Variants in RBM47 observed in about 807,000 individuals in gnomAD.
The protein encoded by RBM47 is RNA binding motif protein 47, also known as RNA-binding protein 47.
RBM47 carries 21 observed loss-of-function variants against 47.1 expected under a neutral mutation model. The ratio of observed to expected loss-of-function variants is 0.45; its 90% confidence interval spans 0.32 to 0.64. The LOEUF (loss-of-function observed/expected upper bound fraction) is 0.64. Among genes scored for constraint, RBM47 ranks in the 30% least tolerant of loss-of-function variants. RBM47 has a pLI of 0.05. For missense variants in RBM47, 708 were observed against 870.9 expected (o/e 0.81, Z 2.35); for synonymous variants, 375 against 361.7 (o/e 1.04, Z -0.42).
chr4:40,575,700 C>T (rs1037843050), intron 1 of RBM47, among the ~76,000 whole-genome samples: 1 of 152,128 alleles, frequency 6.6e-6, no homozygotes, highest in Non-Finnish European at 1.5e-5. Flanking sequence ...TCTGAGTGAC[C>T]AACCCATGCC....
intron 2 of RBM47, among the ~76,000 whole-genome samples, chr4:40,479,429 C>T (rs1052959908): frequency 6.6e-6 from 1 of 151,632 alleles, no homozygotes; most frequent in Non-Finnish European, 1.5e-5. Flanking sequence ...ATAGTGAGAC[C>T]CCATCTCTAC....
intron 2 of RBM47, among the ~76,000 whole-genome samples, chr4:40,507,047 C>G (rs1316322915): frequency 1.3e-5 from 2 of 152,162 alleles, no homozygotes; most frequent in Non-Finnish European, 2.9e-5. Flanking sequence ...ACCTCCAGCT[C>G]CCGGGTTCAA....
At chr4:40,533,459 A>C (rs2154259985) in intron 2 of RBM47, among the ~76,000 whole-genome samples, 1 of 151,746 alleles carries the variant, frequency 6.6e-6, no homozygotes, top group East Asian at 1.9e-4. Flanking sequence ...AAAAAGAAGA[A>C]GGGAAAAAAA....
intron 1 of RBM47, among the ~76,000 whole-genome samples, chr4:40,564,943 C>CCAGA (rs1730960408): frequency 6.6e-6 from 1 of 152,176 alleles, no homozygotes; most frequent in Non-Finnish European, 1.5e-5. Context: ...AGCAAGGGCC[C>CCAGA]CAGAGGCTGA....
At chr4:40,476,528 C>A (rs977887384) in intron 2 of RBM47, among the ~76,000 whole-genome samples, 1 of 151,918 alleles carries the variant, frequency 6.6e-6, no homozygotes, top group Non-Finnish European at 1.5e-5. Flanking sequence ...GAGAAGCAGG[C>A]AGTACAGCAG....
chr4:40,476,201 C>T (rs938650079), intron 2 of RBM47, among the ~76,000 whole-genome samples: 1 of 151,948 alleles, frequency 6.6e-6, no homozygotes, highest in East Asian at 1.9e-4. Flanking sequence ...AATAAATATA[C>T]GTAAAGTGTT....
intron 1 of RBM47, among the ~76,000 whole-genome samples, chr4:40,562,440 C>T (rs1397153445): frequency 1.3e-5 from 2 of 151,240 alleles, no homozygotes; most frequent in African/African-American, 4.9e-5. Context: ...TTTTAGACCC[C>T]TTCTCCTCCC....
At chr4:40,540,638 CAA>C (rs367927651) in intron 2 of RBM47, among the ~76,000 whole-genome samples, 26 of 106,934 alleles carry the variant, frequency 2.4e-4, no homozygotes, top group African/African-American at 8.4e-4. Context: ...AACTCTGTCT[CAA>C]AAAAAAAAAA....
intron 1 of RBM47, among the ~76,000 whole-genome samples, chr4:40,622,250 G>C (rs528758131): frequency 1.1e-4 from 16 of 152,332 alleles, no homozygotes; most frequent in African/African-American, 3.6e-4. Context: ...TAGTGAGACA[G>C]AGGATGCGGG....
intron 1 of RBM47, among the ~76,000 whole-genome samples, chr4:40,567,889 T>C (rs1731243363): frequency 1.3e-5 from 2 of 151,934 alleles, no homozygotes; most frequent in African/African-American, 4.8e-5. Flanking sequence ...CTAAAATGAG[T>C]ATTTACATGT....
intron 3 of RBM47, among the ~76,000 whole-genome samples, chr4:40,450,431 TG>T (rs1715229129): frequency 6.7e-6 from 1 of 150,312 alleles, no homozygotes; most frequent in Admixed American, 6.6e-5. Context: ...CTGTCTCTAC[TG>T]AAAAAAAAAA....
At chr4:40,580,844 G>A (rs1445199657) in intron 1 of RBM47, among the ~76,000 whole-genome samples, 1 of 152,232 alleles carries the variant, frequency 6.6e-6, no homozygotes, top group African/African-American at 2.4e-5. Context: ...AGAGATTGGT[G>A]AGAGAGAGAA....
At chr4:40,435,423 C>G (rs1712176440) in intron 5 of RBM47, among the ~76,000 whole-genome samples, 1 of 152,024 alleles carries the variant, frequency 6.6e-6, no homozygotes, top group Non-Finnish European at 1.5e-5. Context: ...GTGGTGCGCG[C>G]CTGTAGTTCC....
At chr4:40,451,968 G>A (rs937789980) in intron 3 of RBM47, among the ~76,000 whole-genome samples, 2 of 152,152 alleles carry the variant, frequency 1.3e-5, no homozygotes, top group African/African-American at 2.4e-5. Context: ...TCAGGAGTTC[G>A]AGACCAGCCT....
chr4:40,583,414 A>G (rs934032453), intron 1 of RBM47, among the ~76,000 whole-genome samples: 7 of 145,460 alleles, frequency 4.8e-5, no homozygotes, highest in South Asian at 2.2e-4. Flanking sequence ...AAAAAAAAAA[A>G]GGGAAACAGA....
Position 40,628,720 on chromosome 4 carries a change from G to A in RBM47, c.-240+676C>T, listed in dbSNP as rs1458443706. Among the ~76,000 whole-genome samples, 1 of 152,156 alleles carries A rather than the reference G, an allele frequency of 6.6e-6. No individual in the cohort carries two copies. Among genetic ancestry groups the A allele is most frequent in the Admixed American group, 6.5e-5 (1 of 15,284 alleles). Reference sequence around the variant, plus strand: ...GGTAATGGCCTGTAAGTACCTTGAAGATGGTATCTTCCTATCACTTATGCC... The same window carrying A: ...GGTAATGGCCTGTAAGTACCTTGAAAATGGTATCTTCCTATCACTTATGCC... On this transcript the variant is annotated intron_variant, in intron 1 of 6. Transcript: ENST00000295971. This position sits in a 1 kb window ranked among gnomAD's most constrained non-coding sequence, Gnocchi z 4.0.
At chr4:40,496,404 G>A (rs4504294) in intron 2 of RBM47, among the ~76,000 whole-genome samples, 28,267 of 151,630 alleles carry the variant, frequency 0.19, 2,904 homozygotes, top group African/African-American at 0.29. Context: ...GTCCTGGGCC[G>A]CAATAGTTTT....
At chr4:40,464,221 T>A (rs1216763913) in intron 3 of RBM47, among the ~76,000 whole-genome samples, 1 of 152,234 alleles carries the variant, frequency 6.6e-6, no homozygotes, top group African/African-American at 2.4e-5. Context: ...TCAGCTATTT[T>A]AACTTTGCTA....
chr4:40,573,799 A>G (rs201282396), intron 1 of RBM47, among the ~76,000 whole-genome samples: 1 of 106,870 alleles, frequency 9.4e-6, no homozygotes. Flanking sequence ...GAGAGAGAGA[A>G]AGAAAGAAAA....
Sources: gnomAD v4.1 joint callset for allele counts (sites outside exome capture counted in the v4.1 genomes callset) on GRCh38, gnomAD v4.1.1 for gene constraint, Gnocchi (gnomAD v3.1) non-coding constraint, MANE v1.5 for transcripts, NCBI Gene and HGNC (gene_info 2026-07-23, HGNC 2026-07-21) for gene names.